NUP43: variants seen among roughly 807,000 people sequenced by gnomAD.
NUP43 encodes the protein nucleoporin 43.
NUP43 carries 32 observed loss-of-function variants against 47.3 expected under a neutral mutation model. That is an observed-to-expected ratio of 0.68 (90% confidence interval 0.51 to 0.91). The LOEUF is 0.91. Among genes scored for constraint, NUP43 ranks in the 40% least tolerant of loss-of-function variants. NUP43 has a pLI of 0.00. For missense variants in NUP43, 444 were observed against 453.9 expected, an observed-to-expected ratio of 0.98 and a Z score of 0.20; for synonymous variants, 147 against 158.4, an observed-to-expected ratio of 0.93 and a Z score of 0.54.
intron 2 of NUP43, among the ~76,000 whole-genome samples, chr6:149,744,791 T>C (rs941573312): frequency 2.0e-5 from 3 of 148,026 alleles, no homozygotes; most frequent in Admixed American, 1.3e-4. Flanking sequence ...AGCTGAGCTC[T>C]CGCCACTGCA....
upstream of NUP43, among the ~76,000 whole-genome samples, chr6:149,747,293 C>A (rs1161359362): frequency 6.6e-6 from 1 of 151,306 alleles, no homozygotes; most frequent in Non-Finnish European, 1.5e-5. Flanking sequence ...CATTTTTTTT[C>A]TTTTTTAAGA....
intron 6 of NUP43, among the ~76,000 whole-genome samples, chr6:149,736,207 G>A (rs1056622655): frequency 2.0e-5 from 3 of 151,890 alleles, no homozygotes; most frequent in African/African-American, 4.8e-5. Context: ...AACCCAGGAG[G>A]CAGAGGTTGC....
chr6:149,734,295 G>A (rs2115100798), intron 6 of NUP43, among the ~76,000 whole-genome samples: 1 of 152,084 alleles, frequency 6.6e-6, no homozygotes, highest in Admixed American at 6.6e-5. Flanking sequence ...CCATGCCACT[G>A]CACTCCAGCC....
intron 3 of NUP43, 25 bp from the exon 4 acceptor site, chr6:149,742,595 A>G: frequency 6.3e-7 from 1 of 1,593,458 alleles, no homozygotes. Flanking sequence ...TGAGGATACT[A>G]TTAAAGCAAA....
chr6:149,741,824 T>C (rs113655720), intron 4 of NUP43, among the ~76,000 whole-genome samples: 2,387 of 151,978 alleles, frequency 0.016, 63 homozygotes, highest in African/African-American at 0.055. Flanking sequence ...TAGTATATGG[T>C]AAGTGCTCAA....
At position 149,725,641 on chromosome 6, in the gene NUP43, C is replaced by T. The variant is rs1282403963; in HGVS notation, c.*1328G>A. ...GAAAAGCAAAACCTTACCATAATTCCATAACTATGATTATTGGAATTACAA... is the reference window on the plus strand; with the variant it reads ...GAAAAGCAAAACCTTACCATAATTCTATAACTATGATTATTGGAATTACAA... On this transcript the variant is annotated 3_prime_UTR_variant, in exon 8 of 8. Transcript: ENST00000340413. The T allele has an allele frequency of 6.6e-6, 1 of 152,004 alleles. No individual in the cohort carries two copies. Among genetic ancestry groups the T allele is most frequent in the African/African-American group, 2.4e-5 (1 of 41,374 alleles). 9.4% of individuals were successfully genotyped at this position (152,004 alleles called of 1,614,324 possible).
intron 7 of NUP43, among the ~76,000 whole-genome samples, chr6:149,730,891 T>A (rs1171657468): frequency 2.6e-5 from 4 of 151,832 alleles, no homozygotes; most frequent in African/African-American, 9.7e-5. Flanking sequence ...CGAGCTGTGA[T>A]CATGCCACTG....
chr6:149,738,580 C>A (rs958198117), intron 5 of NUP43, 63 bp downstream of exon 5: 19 of 1,231,524 alleles, frequency 1.5e-5, no homozygotes, highest in Non-Finnish European at 2.0e-5. Flanking sequence ...AAGCCAGTAG[C>A]TATAAACAAC....
At chr6:149,746,554 CCG>C, upstream of NUP43, 1 of 1,613,320 alleles carries the variant, frequency 6.2e-7, no homozygotes, top group Non-Finnish European at 8.5e-7. Context: ...CCTCTCAGCA[CCG>C]CCTCTTCCCG....
intron 4 of NUP43, among the ~76,000 whole-genome samples, chr6:149,739,185 T>C (rs1260244025): frequency 1.3e-5 from 2 of 151,756 alleles, no homozygotes; most frequent in African/African-American, 4.8e-5. Context: ...TCCATGTTGG[T>C]CAGGCTGGTC....
rs1310596952 is a variant in NUP43 at position 149,731,710 on chromosome 6, G to A, written c.816C>T (p.Ser272=). 5 of 1,613,744 alleles carry A rather than the reference G, an allele frequency of 3.1e-6. No homozygotes were observed. Residue 272 remains serine, a synonymous_variant, in exon 7 of 8, where the codon TCC becomes TCT. Coordinates refer to ENST00000340413, the MANE Select transcript of NUP43 (RefSeq NM_198887.3). The stretch of plus-strand genomic sequence containing the variant: ...AGCAGGTAAAAAGATGTTCTGGGTT[G>A]GATGGGTGAAAGTGAACTTCCCACA... ...AEMWEVHFHP[S]NPEHLFTCSE... is the part of the protein sequence containing the mutation.
In NUP43 at chr6:149,746,077, G is replaced by A. The variant is rs769733323; in HGVS notation, c.121-15C>T. 1 of 1,607,732 alleles carries A rather than the reference G, an allele frequency of 6.2e-7. No homozygotes were observed. The highest frequency in any genetic ancestry group is 1.1e-5 in the South Asian group (1 of 89,524). On this transcript the variant is annotated splice_polypyrimidine_tract_variant and intron_variant, in intron 1 of 7. Transcript: ENST00000340413. ...ATATAATTTTCCTGTAAAACAGAAA[G>A]TTTTGTCTTGAGATGACATAAACGT... is the stretch of plus-strand genomic sequence containing the variant.
At chr6:149,727,856 C>T (rs1037098628) in intron 7 of NUP43, 4 of 985,034 alleles carry the variant, frequency 4.1e-6, no homozygotes, top group African/African-American at 1.7e-5. Flanking sequence ...AGTCATTATT[C>T]GCAACTTACT....
At chr6:149,743,098 C>T (rs1049174045) in intron 3 of NUP43, among the ~76,000 whole-genome samples, 1 of 151,416 alleles carries the variant, frequency 6.6e-6, no homozygotes, top group Non-Finnish European at 1.5e-5. Context: ...ATTGCTTGAA[C>T]CAGAGAGATG....
chr6:149,738,590 C>A (rs1434404201), intron 5 of NUP43, 53 bp downstream of exon 5: 2 of 1,347,396 alleles, frequency 1.5e-6, no homozygotes. Flanking sequence ...CTATAAACAA[C>A]CTAACACATT....
chr6:149,727,620 A>C (rs1784849236), intron 7 of NUP43: 1 of 807,652 alleles, frequency 1.2e-6, no homozygotes, highest in African/African-American at 1.9e-5. Flanking sequence ...GAATTTCTAG[A>C]CATATTTCTA....
chr6:149,728,505 C>T, intron 7 of NUP43: 2 of 964,252 alleles, frequency 2.1e-6, no homozygotes, highest in Non-Finnish European at 2.5e-6. Flanking sequence ...ATTTTTTTCC[C>T]CTTAGTTTTT....
At chr6:149,738,125 G>A (rs1483888058) in intron 5 of NUP43, among the ~76,000 whole-genome samples, 2 of 152,146 alleles carry the variant, frequency 1.3e-5, no homozygotes, top group African/African-American at 2.4e-5. Flanking sequence ...AAGACAATCC[G>A]ATGGTAAGAT....
At chr6:149,748,219 G>A (rs528811981), upstream of NUP43, among the ~76,000 whole-genome samples, 4 of 152,130 alleles carry the variant, frequency 2.6e-5, no homozygotes, top group East Asian at 3.9e-4. Context: ...GGGAGGCTGC[G>A]GCAGAATTGC....
Sources: gnomAD v4.1 joint callset for allele counts (sites outside exome capture counted in the v4.1 genomes callset) on GRCh38, gnomAD v4.1.1 for gene constraint, MANE v1.5 for transcripts, NCBI Gene and HGNC (gene_info 2026-07-23, HGNC 2026-07-21) for gene names.